LNX1: variants seen among roughly 807,000 people sequenced by gnomAD.
LNX1 encodes E3 ubiquitin-protein ligase LNX.
LNX1 carries 54 observed loss-of-function variants against 68.4 expected under a neutral mutation model. That is an observed-to-expected ratio of 0.79 (90% CI 0.63 to 0.99). The LOEUF (loss-of-function observed/expected upper bound fraction) is 0.99, where lower values mean the gene tolerates loss of function less well. Among genes scored for constraint, LNX1 ranks in the 50% least tolerant of loss-of-function variants. The probability of loss-of-function intolerance (pLI) is 0.00; values close to 1 mark genes in which losing one functional copy is unlikely to be tolerated. For missense variants in LNX1, 906 were observed against 926.4 expected, an observed-to-expected ratio of 0.98 and a Z score of 0.29; for synonymous variants, 336 against 350.0, an observed-to-expected ratio of 0.96 and a Z score of 0.45.
chr4:53,483,267 A>G (rs1345188352), intron 6 of LNX1, among the ~76,000 whole-genome samples: 2 of 152,152 alleles, frequency 1.3e-5, no homozygotes, highest in Non-Finnish European at 2.9e-5. Flanking sequence ...TTCCACCATG[A>G]CTGAGAGGCC....
chr4:53,623,525 T>G (rs1279193720), intron 1 of LNX1, among the ~76,000 whole-genome samples: 1 of 152,080 alleles, frequency 6.6e-6, no homozygotes, highest in Non-Finnish European at 1.5e-5. Flanking sequence ...TGAGCCACCA[T>G]GCCTGGACTC....
intron 6 of LNX1, among the ~76,000 whole-genome samples, chr4:53,490,946 T>C (rs1044010394): frequency 2.0e-5 from 3 of 152,262 alleles, no homozygotes; most frequent in African/African-American, 4.8e-5. Context: ...TTCCTGCTTA[T>C]AAAGCACGTT....
intron 6 of LNX1, among the ~76,000 whole-genome samples, chr4:53,491,210 G>C (rs1293432528): frequency 6.6e-6 from 1 of 151,740 alleles, no homozygotes; most frequent in Non-Finnish European, 1.5e-5. Context: ...CCTGCAGAGG[G>C]AGTTAACAAG....
chr4:53,540,974 T>TA (rs34958811), intron 2 of LNX1, among the ~76,000 whole-genome samples: 1 of 151,562 alleles, frequency 6.6e-6, no homozygotes, highest in Admixed American at 6.6e-5. Flanking sequence ...CTGTCTCTTC[T>TA]AAAAATACAA....
At chr4:53,614,311 G>A (rs898564067) in intron 2 of LNX1, among the ~76,000 whole-genome samples, 1 of 151,960 alleles carries the variant, frequency 6.6e-6, no homozygotes. Context: ...CTGACTCTGG[G>A]GCTTATTCTA....
At chr4:53,496,447 C>T (rs879205732) in intron 5 of LNX1, 53 bp from the exon 6 acceptor site, 1 of 1,542,114 alleles carries the variant, frequency 6.5e-7, no homozygotes, top group South Asian at 1.3e-5. Flanking sequence ...ACAACCCTTC[C>T]TGAAAGATCC....
At chr4:53,577,432 C>G (rs1323918148) in intron 1 of LNX1, among the ~76,000 whole-genome samples, 1 of 152,094 alleles carries the variant, frequency 6.6e-6, no homozygotes, top group East Asian at 1.9e-4. Flanking sequence ...TGGGCCATTC[C>G]CTTGTTGGTG....
At chr4:53,485,964 G>A (rs779773711) in intron 6 of LNX1, among the ~76,000 whole-genome samples, 13 of 152,172 alleles carry the variant, frequency 8.5e-5, no homozygotes, top group Non-Finnish European at 1.9e-4. Flanking sequence ...CTTCTCTCTT[G>A]CATCTCTTGG....
intron 2 of LNX1, among the ~76,000 whole-genome samples, chr4:53,537,891 T>G (rs1314028968): frequency 6.6e-6 from 1 of 152,234 alleles, no homozygotes; most frequent in African/African-American, 2.4e-5. Flanking sequence ...GGAAACGGTG[T>G]GGGGAGGTCA....
intron 9 of LNX1, among the ~76,000 whole-genome samples, chr4:53,464,674 C>T (rs1362596468): frequency 6.6e-6 from 1 of 152,078 alleles, no homozygotes; most frequent in Non-Finnish European, 1.5e-5. Context: ...TAAGTTGACA[C>T]TGCTACTTGC....
chr4:53,576,125 T>C, intron 1 of LNX1: 1 of 1,559,088 alleles, frequency 6.4e-7, no homozygotes, highest in East Asian at 2.4e-5. Context: ...CGGCCCCTCC[T>C]TGATTCTGTG....
intron 3 of LNX1, 107 bp downstream of exon 3, chr4:53,507,879 C>T (rs920905536): frequency 2.6e-5 from 37 of 1,414,008 alleles, no homozygotes; most frequent in Non-Finnish European, 3.2e-5. Flanking sequence ...ACTACCAGAA[C>T]GATTTCCCCT....
chr4:53,569,870 T>G (rs1731012764), intron 2 of LNX1, among the ~76,000 whole-genome samples: 1 of 144,228 alleles, frequency 6.9e-6, no homozygotes, highest in Non-Finnish European at 1.5e-5. Flanking sequence ...AACAGACACT[T>G]CTCAAAAGAA....
intron 2 of LNX1, among the ~76,000 whole-genome samples, chr4:53,607,682 A>T (rs1169908514): frequency 6.6e-6 from 1 of 152,236 alleles, no homozygotes; most frequent in Non-Finnish European, 1.5e-5. Context: ...CTAAGCAAAA[A>T]GAACAAAGCT....
intron 1 of LNX1, among the ~76,000 whole-genome samples, chr4:53,630,343 G>A (rs2109871056): frequency 6.6e-6 from 1 of 152,252 alleles, no homozygotes; most frequent in Admixed American, 6.5e-5. Flanking sequence ...TGTTTTCACA[G>A]TCATTTGTGG....
chr4:53,606,527 A>C (rs1204653214), intron 2 of LNX1, among the ~76,000 whole-genome samples: 1 of 152,148 alleles, frequency 6.6e-6, no homozygotes, highest in African/African-American at 2.4e-5. Context: ...GCCAAATTCT[A>C]CTGGATGTAT....
intron 2 of LNX1, among the ~76,000 whole-genome samples, chr4:53,554,709 G>C (rs1479207320): frequency 3.3e-5 from 5 of 152,106 alleles, no homozygotes; most frequent in Non-Finnish European, 7.3e-5. Context: ...AAAATTAGCT[G>C]GGTGTGGTGG....
At chr4:53,608,847 C>A (rs1356678628) in intron 2 of LNX1, among the ~76,000 whole-genome samples, 1 of 152,012 alleles carries the variant, frequency 6.6e-6, no homozygotes, top group Non-Finnish European at 1.5e-5. Context: ...TCCTAAGTGA[C>A]TAATACAAGA....
chr4:53,517,988 C>T (rs1726919053), intron 2 of LNX1, among the ~76,000 whole-genome samples: 1 of 152,142 alleles, frequency 6.6e-6, no homozygotes, highest in Non-Finnish European at 1.5e-5. Flanking sequence ...CTCATTAGCC[C>T]CTTTCTTCTG....
Sources: allele counts gnomAD v4.1 joint callset (sites outside exome capture counted in the v4.1 genomes callset), GRCh38; gene constraint gnomAD v4.1.1; transcripts MANE v1.5; gene names NCBI Gene and HGNC (gene_info 2026-07-23, HGNC 2026-07-21).